Variants in CHD9 observed in about 807,000 individuals in gnomAD.
CHD9 encodes chromodomain helicase DNA binding protein 9.
A neutral mutation model predicts 316.1 loss-of-function variants in CHD9; 77 were observed. That is an observed-to-expected ratio of 0.24 (90% CI 0.20 to 0.29). The LOEUF is 0.29. CHD9 is among the 10% of genes least tolerant of loss of function. The probability of loss-of-function intolerance (pLI) is 1.00; values close to 1 mark genes in which losing one functional copy is unlikely to be tolerated. For synonymous variants in CHD9, 1,129 were observed against 1,158.3 expected (o/e 0.97, Z 0.51); for missense variants, 2,763 against 3,438.1 (o/e 0.80, Z 4.91).
chr16:53,156,126 A>C lies in CHD9; in HGVS notation c.37A>C (p.Asn13His). 1 of 1,613,446 alleles carries C rather than the reference A, an allele frequency of 6.2e-7. No homozygotes were observed. The highest frequency in any genetic ancestry group is 8.5e-7 in the Non-Finnish European group (1 of 1,179,690). The stretch of plus-strand genomic sequence containing the variant: ...AATGATGGACTTTTTTGATGATGCC[A>C]ATCTTTTTGGTGAGACCTTAGAAGG... ...DPMMDFFDDANLFGETLEGLS... is the reference protein window; with the variant it reads ...DPMMDFFDDAHLFGETLEGLS... The change falls in exon 2 of 39, where the codon AAT becomes CAT. Residue 13 changes from asparagine to histidine, a missense_variant. Asn to His is a moderately conservative substitution (Grantham distance 68). Transcript: ENST00000447540.
At chr16:53,197,527 A>G (rs1037258758) in intron 2 of CHD9, among the ~76,000 whole-genome samples, 10 of 152,112 alleles carry the variant, frequency 6.6e-5, no homozygotes, top group Admixed American at 3.3e-4. Context: ...GTTATGGAAG[A>G]TAAGATAACC....
At chr16:53,173,147 C>T (rs1345287391) in intron 2 of CHD9, among the ~76,000 whole-genome samples, 1 of 152,080 alleles carries the variant, frequency 6.6e-6, no homozygotes, top group Non-Finnish European at 1.5e-5. Flanking sequence ...TGGTACAGTT[C>T]ACCATTGAAG....
rs926767059 is a variant in CHD9, at chr16:53,245,982, T to TA, written c.3454+133dup. The stretch of plus-strand genomic sequence containing the variant: ...TGATATTCTAAGGAATTACAAGTGT[T>TA]ACAGAATCAGAGGCAATGTGAACTG... On this transcript the variant is annotated intron_variant, in intron 15 of 38. Transcript: ENST00000447540. This position sits in a 1 kb window ranked among gnomAD's most constrained non-coding sequence, Gnocchi z 4.1. 3.2e-6 allele frequency: 2 copies of TA among 628,870 alleles called. No individual in the cohort carries two copies. Among genetic ancestry groups the TA allele is most frequent in the Non-Finnish European group, 4.8e-6 (2 of 413,700 alleles). The allele number at this position is 628,870 out of a possible 1,614,324, so 39.0% of individuals were successfully genotyped here.
At chr16:53,168,804 A>G (rs1286088878) in intron 2 of CHD9, 1 of 152,372 alleles carries the variant, frequency 6.6e-6, no homozygotes, top group Non-Finnish European at 1.5e-5. Flanking sequence ...TGGTGCAATC[A>G]CAGCACACTG....
intron 29 of CHD9, among the ~76,000 whole-genome samples, chr16:53,295,201 G>A (rs1473213273): frequency 1.3e-5 from 2 of 152,180 alleles, no homozygotes; most frequent in East Asian, 1.9e-4. Flanking sequence ...ATCTTGGCTC[G>A]CTGCAGCCTC....
chr16:53,279,476 G>A (rs547557563), intron 24 of CHD9, among the ~76,000 whole-genome samples: 128 of 152,200 alleles, frequency 8.4e-4, no homozygotes, highest in African/African-American at 2.0e-3. Context: ...AAATCTGCAC[G>A]TTGTGCACAT....
chr16:53,056,540 C>T (rs1269605532), intron 1 of CHD9, among the ~76,000 whole-genome samples: 3 of 152,186 alleles, frequency 2.0e-5, no homozygotes, highest in African/African-American at 7.2e-5. Flanking sequence ...TAATAAGAAG[C>T]ATGTCCCATA....
chr16:53,085,005 C>G (rs2035345888), intron 1 of CHD9, among the ~76,000 whole-genome samples: 1 of 152,164 alleles, frequency 6.6e-6, no homozygotes, highest in South Asian at 2.1e-4. Context: ...CTCATAACAT[C>G]GTCTTTTGCA....
At chr16:53,055,619 A>T (rs1418879437) in intron 1 of CHD9, among the ~76,000 whole-genome samples, 1 of 151,994 alleles carries the variant, frequency 6.6e-6, no homozygotes, top group Non-Finnish European at 1.5e-5. Flanking sequence ...GGAGTTGGAG[A>T]AAAACGGAGG....
At chr16:53,179,780 C>T (rs1164401001) in intron 2 of CHD9, among the ~76,000 whole-genome samples, 1 of 151,660 alleles carries the variant, frequency 6.6e-6, no homozygotes, top group East Asian at 2.0e-4. Context: ...ACCTGTAATC[C>T]CAGCTGCTCG....
chr16:53,258,197 TCTTA>T (rs960726941), intron 19 of CHD9, among the ~76,000 whole-genome samples: 16 of 152,142 alleles, frequency 1.1e-4, no homozygotes, highest in African/African-American at 3.9e-4. Flanking sequence ...CCTCTTTGAG[TCTTA>T]CTTTAAAGAG....
intron 3 of CHD9, among the ~76,000 whole-genome samples, chr16:53,212,628 T>C (rs938821166): frequency 6.6e-6 from 1 of 152,196 alleles, no homozygotes; most frequent in Non-Finnish European, 1.5e-5. Flanking sequence ...AAGAATAGAA[T>C]GTCCTTTTCG....
chr16:53,285,932 C>T (rs2053833184), intron 25 of CHD9, among the ~76,000 whole-genome samples: 1 of 152,152 alleles, frequency 6.6e-6, no homozygotes, highest in Non-Finnish European at 1.5e-5. Context: ...CTTCCTCTCT[C>T]AGGAAGAGTT....
intron 2 of CHD9, among the ~76,000 whole-genome samples, chr16:53,185,712 C>T (rs762106982): frequency 1.2e-4 from 18 of 152,198 alleles, no homozygotes; most frequent in Non-Finnish European, 2.1e-4. Flanking sequence ...CCAGTGCCTC[C>T]CTGCTGTGTG....
At chr16:53,272,243 T>TA (rs59376664) in intron 22 of CHD9, among the ~76,000 whole-genome samples, 44,681 of 146,610 alleles carry the variant, frequency 0.3, 6,745 homozygotes, top group Middle Eastern at 0.36. Context: ...TCAATTGGAA[T>TA]AAAAAAAAAG....
At chr16:53,274,678 G>A (rs1597766419) in intron 24 of CHD9, among the ~76,000 whole-genome samples, 1 of 152,022 alleles carries the variant, frequency 6.6e-6, no homozygotes, top group Non-Finnish European at 1.5e-5. Flanking sequence ...GGCTGGTTTC[G>A]AACTCCTGAC....
intron 7 of CHD9, among the ~76,000 whole-genome samples, chr16:53,227,857 G>T (rs2047784302): frequency 6.6e-6 from 1 of 151,960 alleles, no homozygotes; most frequent in Non-Finnish European, 1.5e-5. Flanking sequence ...AGGCCAAGGC[G>T]GTCATATCAC....
At chr16:53,119,958 G>A (rs2038608354) in intron 1 of CHD9, among the ~76,000 whole-genome samples, 1 of 152,104 alleles carries the variant, frequency 6.6e-6, no homozygotes, top group Admixed American at 6.6e-5. Context: ...GGGTGTAGTG[G>A]CTCACACCTA....
At chr16:53,218,682 A>C (rs1192804220) in intron 3 of CHD9, among the ~76,000 whole-genome samples, 1 of 152,170 alleles carries the variant, frequency 6.6e-6, no homozygotes, top group Non-Finnish European at 1.5e-5. Context: ...AAGATATTGC[A>C]TCAGAATGTG....
Sources: gnomAD v4.1 joint callset for allele counts (sites outside exome capture counted in the v4.1 genomes callset) on GRCh38, gnomAD v4.1.1 for gene constraint, Gnocchi (gnomAD v3.1) non-coding constraint, MANE v1.5 for transcripts, NCBI Gene and HGNC (gene_info 2026-07-23, HGNC 2026-07-21) for gene names.